DROSHA: variants seen among roughly 807,000 people sequenced by gnomAD.
DROSHA encodes ribonuclease 3.
DROSHA carries 56 observed loss-of-function variants against 181.9 expected under a neutral mutation model. The observed-to-expected ratio is 0.31, with a 90% CI of 0.25 to 0.38. The LOEUF is 0.38. Among genes scored for constraint, DROSHA ranks in the 10% least tolerant of loss-of-function variants. DROSHA has a pLI of 1.00. For synonymous variants in DROSHA, 524 were observed against 591.2 expected, an observed-to-expected ratio of 0.89 and a Z score of 1.65; for missense variants, 1,218 against 1,743.5, an observed-to-expected ratio of 0.70 and a Z score of 5.37.
chr5:31,441,621 A>G (rs1745609433), intron 23 of DROSHA, among the ~76,000 whole-genome samples: 1 of 152,206 alleles, frequency 6.6e-6, no homozygotes, highest in South Asian at 2.1e-4. Flanking sequence ...CAGAACTTCA[A>G]AAGCATCTGC....
At position 31,514,133 on chromosome 5, in the gene DROSHA, T is replaced by C. The variant is rs915424720; in HGVS notation, c.1290+855A>G. 6.6e-6 allele frequency among the ~76,000 whole-genome samples: 1 copy of C among 152,112 alleles called. No homozygotes were observed. The highest frequency in any genetic ancestry group is 2.4e-5 in the African/African-American group (1 of 41,414). On this transcript the variant is annotated intron_variant, in intron 8 of 35. Coordinates refer to ENST00000344624, the MANE Select transcript of DROSHA (RefSeq NM_001382508.1). The surrounding 1 kb of genome is among the most constrained non-coding windows in gnomAD (Gnocchi z 4.4). ...TCCCTTTCTGCAAAACTAGCCAATATGCATGGGCAACTTCGTAGGGTTGGT... is the reference window on the plus strand; with the variant it reads ...TCCCTTTCTGCAAAACTAGCCAATACGCATGGGCAACTTCGTAGGGTTGGT...
chr5:31,531,121 GCCTGTAGGA>G (rs1310084856), intron 2 of DROSHA, among the ~76,000 whole-genome samples, 197 bp from the exon 3 acceptor site: 1 of 152,146 alleles, frequency 6.6e-6, no homozygotes, highest in Non-Finnish European at 1.5e-5. Flanking sequence ...AAGACACACA[GCCTGTAGGA>G]TTCAAGGAAC....
At chr5:31,526,047 G>A (rs767531881) in intron 5 of DROSHA, 32 bp downstream of exon 5, 3 of 1,535,932 alleles carry the variant, frequency 2.0e-6, no homozygotes, top group Admixed American at 3.9e-5. Context: ...GGCCTCTGCA[G>A]TTCATTAAAG....
intron 6 of DROSHA, among the ~76,000 whole-genome samples, chr5:31,519,158 A>G (rs1196988872): frequency 1.3e-5 from 2 of 152,152 alleles, no homozygotes; most frequent in Admixed American, 1.3e-4. Context: ...ACAGAATTCA[A>G]GTCTACCTTC....
At position 31,409,818 on chromosome 5, in the gene DROSHA, G is replaced by A. The variant is rs1046018546; in HGVS notation, c.3668-486C>T. ...TATAGATTCAATCTGCCCAAAAAGA[G>A]AAAAACTTAATACTGATCTTAATGA... is the stretch of plus-strand genomic sequence containing the variant. On this transcript the variant is annotated intron_variant, in intron 31 of 35. Coordinates refer to ENST00000344624, the MANE Select transcript of DROSHA (RefSeq NM_001382508.1). The surrounding 1 kb of genome is among the most constrained non-coding windows in gnomAD (Gnocchi z 4.0). Among the ~76,000 whole-genome samples the A allele has an allele frequency of 1.3e-5, 2 of 152,050 alleles. No homozygotes were observed. Among genetic ancestry groups the A allele is most frequent in the African/African-American group, 4.8e-5 (2 of 41,398 alleles).
intron 8 of DROSHA, among the ~76,000 whole-genome samples, chr5:31,511,935 A>G (rs1006800593): frequency 9.9e-5 from 15 of 151,666 alleles, no homozygotes; most frequent in Admixed American, 2.0e-4. Flanking sequence ...ACACACGCAC[A>G]CACACACACA....
In DROSHA at chr5:31,449,289, C is replaced by T; in HGVS notation, c.2813G>A (p.Arg938Gln). 2.5e-6 allele frequency: 4 copies of T among 1,613,816 alleles called. No individual in the cohort carries two copies. The highest frequency in any genetic ancestry group is 3.4e-6 in the Non-Finnish European group (4 of 1,179,838). The change falls in exon 22 of 36, where the codon CGG becomes CAG. Residue 938 changes from arginine to glutamine, a missense_variant. Arg to Gln is a conservative substitution (Grantham distance 43). This residue lies in a region of DROSHA where 460 missense variants were observed against 774.2 expected (regional missense o/e 0.59). Transcript: ENST00000344624. ...GDRKVHHMHM[R>Q]KKGINTLINI... is the part of the protein sequence containing the mutation. ...AAATCATCCAGACATACCTTTCTTC[C>T]GCATGTGCATGTGATGAACTTTTCT...
At chr5:31,530,684 C>G in intron 3 of DROSHA, 114 bp downstream of exon 3, 2 of 315,914 alleles carry the variant, frequency 6.3e-6, no homozygotes, top group East Asian at 4.8e-5. Context: ...CAGTGATTTT[C>G]TATCCATCTA....
chr5:31,448,794 CT>C (rs1394811933), intron 22 of DROSHA, among the ~76,000 whole-genome samples, 187 bp from the exon 23 acceptor site: 1 of 152,056 alleles, frequency 6.6e-6, no homozygotes, highest in Non-Finnish European at 1.5e-5. Context: ...CTCTAAAAAA[CT>C]CATCAACCCT....
At chr5:31,528,934 C>T in intron 4 of DROSHA, 106 bp downstream of exon 4, 1 of 1,436,106 alleles carries the variant, frequency 7.0e-7, no homozygotes, top group Non-Finnish European at 9.6e-7. Context: ...CACATTATCC[C>T]CTCTCCCCAT....
At chr5:31,437,404 T>C in intron 23 of DROSHA, 106 bp from the exon 24 acceptor site, 1 of 959,084 alleles carries the variant, frequency 1.0e-6, no homozygotes, top group Non-Finnish European at 1.5e-6. Flanking sequence ...CCTTTAGTAA[T>C]CAAACCACCT....
intron 12 of DROSHA, 98 bp from the exon 13 acceptor site, chr5:31,493,391 G>A: frequency 9.5e-7 from 1 of 1,055,860 alleles, no homozygotes; most frequent in South Asian, 1.8e-5. Context: ...TAGAACATAA[G>A]GACTTCCTTT....
intron 35 of DROSHA, 125 bp downstream of exon 35, chr5:31,405,552 G>A: frequency 1.1e-6 from 1 of 888,744 alleles, no homozygotes; most frequent in East Asian, 2.7e-5. Flanking sequence ...TCTGTGTAAA[G>A]AATAATTCTG....
chr5:31,459,554 C>T (rs565709699), intron 20 of DROSHA, among the ~76,000 whole-genome samples: 2 of 152,054 alleles, frequency 1.3e-5, no homozygotes, highest in African/African-American at 2.4e-5. Flanking sequence ...CCTTTGTTAA[C>T]AATAACTATG....
chr5:31,445,448 T>C (rs1381536784), intron 23 of DROSHA, among the ~76,000 whole-genome samples: 1 of 152,212 alleles, frequency 6.6e-6, no homozygotes, highest in Non-Finnish European at 1.5e-5. Flanking sequence ...TTCCAACTCG[T>C]TATATGAGGC....
At chr5:31,473,198 G>A (rs1439590822) in intron 16 of DROSHA, among the ~76,000 whole-genome samples, 1 of 152,188 alleles carries the variant, frequency 6.6e-6, no homozygotes, top group Non-Finnish European at 1.5e-5. Context: ...GGCAGCAATG[G>A]GATGGCACAA....
chr5:31,443,323 T>G (rs572568216), intron 23 of DROSHA, among the ~76,000 whole-genome samples: 1 of 152,056 alleles, frequency 6.6e-6, no homozygotes, highest in African/African-American at 2.4e-5. Flanking sequence ...TGGCTGAGAT[T>G]TTTATGCATT....
Position 31,435,882 on chromosome 5 carries a change from AGT to A in DROSHA, c.2943-20_2943-19del. ...AATGGACGCTACAAAAAAAAAAAGA[AGT>A]ACATGAATAAATATGCATCACGACA... On this transcript the variant is annotated intron_variant, in intron 24 of 35. Coordinates refer to ENST00000344624, the MANE Select transcript of DROSHA (RefSeq NM_001382508.1). The A allele has an allele frequency of 1.2e-6, 2 of 1,605,896 alleles. No individual in the cohort carries two copies. Among genetic ancestry groups the A allele is most frequent in the Non-Finnish European group, 1.7e-6 (2 of 1,176,110 alleles).
At chr5:31,484,042 T>C (rs1433932400) in intron 15 of DROSHA, among the ~76,000 whole-genome samples, 1 of 152,140 alleles carries the variant, frequency 6.6e-6, no homozygotes. Flanking sequence ...TGAAAAGCCA[T>C]TCACCAATAA....
Sources: gnomAD v4.1 joint callset for allele counts (sites outside exome capture counted in the v4.1 genomes callset) on GRCh38, gnomAD v4.1.1 for gene constraint, gnomAD v4.1.1 regional missense constraint, Gnocchi (gnomAD v3.1) non-coding constraint, MANE v1.5 for transcripts, NCBI Gene and HGNC (gene_info 2026-07-23, HGNC 2026-07-21) for gene names.